Variants in MMP28 observed in about 807,000 individuals in gnomAD.
MMP28 encodes the protein matrix metallopeptidase 28, also known as matrix metalloproteinase-28.
In MMP28, 55 loss-of-function variants were observed where a neutral mutation model predicts 60.5. The ratio of observed to expected loss-of-function variants is 0.91; its 90% CI spans 0.73 to 1.14. The LOEUF (loss-of-function observed/expected upper bound fraction) is 1.14, where lower values mean the gene tolerates loss of function less well. Ranked by LOEUF, MMP28 falls within the 50% of genes most tolerant of loss-of-function variation. MMP28 has a pLI of 0.00. For missense variants in MMP28, 686 were observed against 738.3 expected (o/e 0.93, Z 0.82); for synonymous variants, 318 against 312.5 (o/e 1.02, Z -0.18).
At chr17:35,769,197 G>A (rs147555974) in intron 5 of MMP28, among the ~76,000 whole-genome samples, 4 of 152,274 alleles carry the variant, frequency 2.6e-5, no homozygotes, top group Non-Finnish European at 5.9e-5. Flanking sequence ...CCATTATCTT[G>A]ATCTGTGGAC....
chr17:35,766,659 G>A lies in MMP28; in HGVS notation c.1404C>T (p.Gly468=), dbSNP rs746027832. The A allele has an allele frequency of 2.4e-5, 38 of 1,610,748 alleles. No homozygotes were observed. Among genetic ancestry groups the A allele is most frequent in the East Asian group, 1.3e-4 (6 of 44,806 alleles). The change falls in exon 8 of 8, where the codon GGC becomes GGT. Residue 468 remains glycine (G), a synonymous_variant. Transcript: ENST00000605424. The surrounding 1 kb of genome is among the most constrained non-coding windows in gnomAD (Gnocchi z 4.3). ...TGGAGCCATCGGGCCTCGGCAGGGC[G>A]CCGCTGACCTCCTCAGGGATGCCTC... ...DWGGIPEEVS[G]ALPRPDGSII... is the part of the protein sequence containing the mutation.
intron 1 of MMP28, among the ~76,000 whole-genome samples, chr17:35,779,628 C>G (rs1940006471): frequency 6.6e-6 from 1 of 152,176 alleles, no homozygotes; most frequent in African/African-American, 2.4e-5. Context: ...AGGAATCTAG[C>G]AGCACATGCT....
At chr17:35,791,860 G>A (rs1385724389) in intron 1 of MMP28, among the ~76,000 whole-genome samples, 2 of 152,144 alleles carry the variant, frequency 1.3e-5, no homozygotes, top group Non-Finnish European at 2.9e-5. Flanking sequence ...CCCCAGGGAA[G>A]GACTTGCAGT....
Position 35,766,593 on chromosome 17 carries a change from C to T in MMP28, c.1470G>A (p.Gln490=). 1 of 1,612,564 alleles carries T rather than the reference C, an allele frequency of 6.2e-7. No individual in the cohort carries two copies. The highest frequency in any genetic ancestry group is 8.5e-7 in the Non-Finnish European group (1 of 1,179,770). ...FRDDRYWRLD[Q]AKLQATTSGR... is the part of the protein sequence containing the mutation. ...CCGAGGTGGTTGCCTGCAGTTTGGC[C>T]TGGTCGAGGCGCCAGTAGCGGTCAT... Residue 490 remains glutamine (Q), a synonymous_variant, in exon 8 of 8, where the codon CAG becomes CAA. Transcript: ENST00000605424. The surrounding 1 kb of genome is among the most constrained non-coding windows in gnomAD (Gnocchi z 4.3).
Position 35,766,703 on chromosome 17 carries a change from G to C in MMP28, c.1360C>G (p.Arg454Gly). ...GGLQVEPYYP[R>G]SLQDWGGIPE... ...ATGCCTCCCCAGTCCTGCAGACTTC[G>C]GGGGTAGTAGGGCTCCACTTGCAGT... Residue 454 changes from arginine to glycine, a missense_variant, in exon 8 of 8, where the codon CGA becomes GGA. By Grantham distance (125) the Arg-to-Gly change is moderately radical. Transcript: ENST00000605424. This position sits in a 1 kb window ranked among gnomAD's most constrained non-coding sequence, Gnocchi z 4.3. 6.2e-7 allele frequency: 1 copy of C among 1,604,462 alleles called. No individual in the cohort carries two copies. Among genetic ancestry groups the C allele is most frequent in the Non-Finnish European group, 8.5e-7 (1 of 1,175,894 alleles).
At chr17:35,778,118 C>G (rs780818276) in intron 3 of MMP28, among the ~76,000 whole-genome samples, 5 of 151,900 alleles carry the variant, frequency 3.3e-5, no homozygotes, top group Non-Finnish European at 7.4e-5. Flanking sequence ...ACCATTTAAC[C>G]CCTGGAATAT....
chr17:35,794,358 A>ATC (rs2086902985), intron 1 of MMP28, among the ~76,000 whole-genome samples: 1 of 146,900 alleles, frequency 6.8e-6, no homozygotes, highest in Non-Finnish European at 1.5e-5. Context: ...TGATTCTCCT[A>ATC]TCTCAGCCTC....
At position 35,766,896 on chromosome 17, in the gene MMP28, T is replaced by A; in HGVS notation, c.1169-2A>T. ...CCCGGAACCTCCAGCATCGACCCCCTGTGGGGAATTGGGAGAGCCAGGGTG... is the reference window on the plus strand; with the variant it reads ...CCCGGAACCTCCAGCATCGACCCCCAGTGGGGAATTGGGAGAGCCAGGGTG... On this transcript the variant is annotated splice_acceptor_variant, in intron 7 of 7. Transcript: ENST00000605424. LOFTEE classifies it high-confidence loss of function. The surrounding 1 kb of genome is among the most constrained non-coding windows in gnomAD (Gnocchi z 4.3). The A allele has an allele frequency of 1.3e-6, 2 of 1,570,494 alleles. No individual in the cohort carries two copies. The highest frequency in any genetic ancestry group is 1.7e-6 in the Non-Finnish European group (2 of 1,158,886).
rs1640827727 is a variant in MMP28 at position 35,768,368 on chromosome 17, CT to C, written c.861del (p.Gly289AlafsTer45). 6.2e-7 allele frequency: 1 copy of C among 1,603,902 alleles called. No homozygotes were observed. The highest frequency in any genetic ancestry group is 1.4e-5 in the African/African-American group (1 of 74,038). ...GGGAGCTGGACGGCCACTGAGCCCC[CT>C]AGGGGCTTCCCTTTGTGAGTAAGGA... ...LAVQSLYGKP[L>X]GGSVAVQLPG... On this transcript the variant is annotated frameshift_variant, in exon 6 of 8. Transcript: ENST00000605424. LOFTEE classifies it high-confidence loss of function.
chr17:35,776,235 G>A (rs972206946), intron 3 of MMP28, among the ~76,000 whole-genome samples: 4 of 150,430 alleles, frequency 2.7e-5, no homozygotes, highest in East Asian at 2.0e-4. Flanking sequence ...GCAGTGGCGC[G>A]ATTTTGGCTC....
chr17:35,775,599 A>G (rs1363075262), intron 3 of MMP28, among the ~76,000 whole-genome samples: 1 of 152,232 alleles, frequency 6.6e-6, no homozygotes, highest in Non-Finnish European at 1.5e-5. Context: ...GCAAACTTAC[A>G]TAACAAATTA....
downstream of MMP28, among the ~76,000 whole-genome samples, chr17:35,765,368 G>A (rs587768429): frequency 6.6e-6 from 1 of 152,324 alleles, no homozygotes; most frequent in East Asian, 1.9e-4. Context: ...GCACTAGCAG[G>A]TGTGGAGGGG....
intron 1 of MMP28, among the ~76,000 whole-genome samples, chr17:35,786,170 C>T (rs567515368): frequency 6.6e-6 from 1 of 152,006 alleles, no homozygotes; most frequent in South Asian, 2.1e-4. Context: ...GATTCTCTTG[C>T]CTCAGCCTCT....
intron 5 of MMP28, among the ~76,000 whole-genome samples, chr17:35,769,412 A>G (rs1054960917): frequency 2.0e-5 from 3 of 152,232 alleles, no homozygotes; most frequent in African/African-American, 4.8e-5. Context: ...GAGGGTTCAC[A>G]GAGGGAAAAT....
At chr17:35,757,371 T>C (rs2143038440) in intron 2 of MMP28, 1 of 152,304 alleles carries the variant, frequency 6.6e-6, no homozygotes, top group African/African-American at 2.4e-5. Flanking sequence ...AGAAGTCTGT[T>C]GGAGAGCTTC....
intron 1 of MMP28, among the ~76,000 whole-genome samples, chr17:35,782,476 C>A (rs2086534909): frequency 6.6e-6 from 1 of 152,188 alleles, no homozygotes; most frequent in Non-Finnish European, 1.5e-5. Context: ...TTGCAAGTAT[C>A]CAGCTTCCCC....
chr17:35,774,928 G>A (rs893659863), intron 3 of MMP28, among the ~76,000 whole-genome samples: 3 of 152,210 alleles, frequency 2.0e-5, no homozygotes, highest in African/African-American at 4.8e-5. Context: ...CGCCCTTGCT[G>A]TGGGGGACGG....
intron 1 of MMP28, among the ~76,000 whole-genome samples, chr17:35,792,354 G>C (rs886707880): frequency 6.6e-6 from 1 of 152,122 alleles, no homozygotes; most frequent in Non-Finnish European, 1.5e-5. Context: ...TTATAAGGAA[G>C]CCCAAACTAG....
rs575930619 is a variant in MMP28 at position 35,786,376 on chromosome 17, C to T, written c.112-7053G>A. Among the ~76,000 whole-genome samples the T allele has an allele frequency of 3.3e-5, 5 of 152,270 alleles. No individual in the cohort carries two copies. The East Asian group carries it at 7.7e-4, about 24-fold the overall frequency. ...CCCAGCCAGGACTCACCTTCTTAGACATCCTCCATATCACAGAATTTCAGC... is the reference window on the plus strand; with the variant it reads ...CCCAGCCAGGACTCACCTTCTTAGATATCCTCCATATCACAGAATTTCAGC... On this transcript the variant is annotated intron_variant, in intron 1 of 7. Transcript: ENST00000605424.
Sources: allele counts gnomAD v4.1 joint callset (sites outside exome capture counted in the v4.1 genomes callset), GRCh38; gene constraint gnomAD v4.1.1; non-coding constraint Gnocchi (gnomAD v3.1); transcripts MANE v1.5; gene names NCBI Gene and HGNC (gene_info 2026-07-23, HGNC 2026-07-21).